Variants in SERGEF observed in about 807,000 individuals in gnomAD.
SERGEF encodes secretion regulating guanine nucleotide exchange factor.
A neutral mutation model predicts 50.0 loss-of-function variants in SERGEF; 51 were observed. The ratio of observed to expected loss-of-function variants is 1.02; its 90% CI spans 0.81 to 1.29. The LOEUF (loss-of-function observed/expected upper bound fraction) is 1.29, where lower values mean the gene tolerates loss of function less well. Among genes scored for constraint, SERGEF ranks in the 50% most tolerant of loss-of-function variants. The pLI, the probability that SERGEF is intolerant of heterozygous loss-of-function variation, is 0.00. For synonymous variants in SERGEF, 205 were observed against 212.4 expected, an observed-to-expected ratio of 0.97 and a Z score of 0.30; for missense variants, 521 against 557.0, an observed-to-expected ratio of 0.94 and a Z score of 0.65.
At chr11:17,876,100 C>A (rs1392219370) in intron 10 of SERGEF, among the ~76,000 whole-genome samples, 1 of 152,198 alleles carries the variant, frequency 6.6e-6, no homozygotes, top group Non-Finnish European at 1.5e-5. Context: ...CTGCACCCTG[C>A]AGGGCACCCA....
At chr11:17,792,423 TG>T (rs1565168398) in intron 10 of SERGEF, among the ~76,000 whole-genome samples, 2 of 152,056 alleles carry the variant, frequency 1.3e-5, no homozygotes, top group African/African-American at 4.8e-5. Flanking sequence ...TCAGCAGGGA[TG>T]GGGGTGGGAG....
intron 10 of SERGEF, among the ~76,000 whole-genome samples, chr11:17,835,911 C>T (rs186411399): frequency 6.6e-6 from 1 of 152,240 alleles, no homozygotes; most frequent in Admixed American, 6.5e-5. Context: ...TAAATGATAA[C>T]TGGGCTTGCT....
In SERGEF at chr11:17,819,061, CTTAT is replaced by C. The variant is rs543646520; in HGVS notation, c.1049-30652_1049-30649del. Among the ~76,000 whole-genome samples the C allele has an allele frequency of 2.0e-3, 301 of 152,358 alleles. 2 individuals carry two copies. The highest frequency in any genetic ancestry group is 6.9e-3 in the African/African-American group (285 of 41,590). ...TGTAATAACACTATTCACCCATAAT[CTTAT>C]TTGTCAGTTTATATCTCTATCTTCC... is the stretch of plus-strand genomic sequence containing the variant. On this transcript the variant is annotated intron_variant, in intron 10 of 10. Transcript: ENST00000265965.
At chr11:17,997,369 C>A (rs1590241874) in intron 5 of SERGEF, among the ~76,000 whole-genome samples, 1 of 152,106 alleles carries the variant, frequency 6.6e-6, no homozygotes, top group African/African-American at 2.4e-5. Flanking sequence ...TTTTTAAAAA[C>A]CAGAAAATAA....
At chr11:17,932,128 C>T (rs1247944039) in intron 9 of SERGEF, among the ~76,000 whole-genome samples, 2 of 152,068 alleles carry the variant, frequency 1.3e-5, no homozygotes, top group African/African-American at 4.8e-5. Context: ...ATGTAACAAA[C>T]CTGCACGTTG....
intron 1 of SERGEF, 160 bp downstream of exon 1, chr11:18,012,791 C>CAACAA: frequency 4.1e-6 from 6 of 1,453,560 alleles, no homozygotes; most frequent in African/African-American, 1.4e-5. Context: ...CCGCCCGCTC[C>CAACAA]TCCTCCGCTC....
chr11:18,012,819 CAGGAT>C, intron 1 of SERGEF, 127 bp downstream of exon 1: 1 of 1,514,060 alleles, frequency 6.6e-7, no homozygotes, highest in Non-Finnish European at 8.8e-7. Context: ...GCTCCCAGCC[CAGGAT>C]CCTTCAACCC....
At chr11:17,948,251 T>G (rs1294829787) in intron 9 of SERGEF, among the ~76,000 whole-genome samples, 1 of 152,212 alleles carries the variant, frequency 6.6e-6, no homozygotes, top group Non-Finnish European at 1.5e-5. Flanking sequence ...TGTTTATTGC[T>G]TCATAGTTGA....
intron 10 of SERGEF, among the ~76,000 whole-genome samples, chr11:17,841,036 T>C (rs1850492388): frequency 6.6e-6 from 1 of 152,234 alleles, no homozygotes. Context: ...AGACTGTTCC[T>C]GTTCCTTCTT....
chr11:17,953,132 G>C (rs1277414466), intron 9 of SERGEF, among the ~76,000 whole-genome samples: 3 of 134,028 alleles, frequency 2.2e-5, no homozygotes, highest in Non-Finnish European at 4.6e-5. Flanking sequence ...AGAAAGAAAG[G>C]GTCACCAAGA....
chr11:18,005,693 G>A (rs1459791919), intron 3 of SERGEF, among the ~76,000 whole-genome samples: 1 of 152,252 alleles, frequency 6.6e-6, no homozygotes, highest in East Asian at 1.9e-4. Flanking sequence ...GAACAGAGAG[G>A]TCAAAACTGC....
rs982695137 is a variant in SERGEF, at chr11:17,884,823, G to C, written c.1012-6579C>G. Among the ~76,000 whole-genome samples, 2 of 152,160 alleles carry C rather than the reference G, an allele frequency of 1.3e-5. No individual in the cohort carries two copies. The highest frequency in any genetic ancestry group is 3.8e-4 in the East Asian group (2 of 5,204). On this transcript the variant is annotated intron_variant, in intron 9 of 10. Coordinates refer to ENST00000265965, the MANE Select transcript of SERGEF (RefSeq NM_012139.4). The surrounding 1 kb of genome is among the most constrained non-coding windows in gnomAD (Gnocchi z 4.6). ...GTTCTGCTATCTTCCAGAGAAGTTG[G>C]GGTGAGAAGAAGAGAGCTAAAGTTT...
chr11:17,966,084 A>AGT (rs1223432288), intron 8 of SERGEF, among the ~76,000 whole-genome samples: 1 of 152,192 alleles, frequency 6.6e-6, no homozygotes, highest in African/African-American at 2.4e-5. Flanking sequence ...CACCTACCAA[A>AGT]GTGTTAGGGT....
intron 9 of SERGEF, among the ~76,000 whole-genome samples, chr11:17,896,553 GGGGAA>G (rs778806066): frequency 4.5e-4 from 49 of 108,346 alleles, no homozygotes; most frequent in South Asian, 6.7e-4. Context: ...GGGAAGGGAA[GGGGAA>G]GGGAAGGGAA....
chr11:17,997,953 G>A (rs1374817616), intron 5 of SERGEF, among the ~76,000 whole-genome samples: 1 of 152,120 alleles, frequency 6.6e-6, no homozygotes, highest in Non-Finnish European at 1.5e-5. Flanking sequence ...GAGATGGATG[G>A]TGGTGGTGAT....
At chr11:17,978,377 A>T (rs1396011318) in intron 8 of SERGEF, among the ~76,000 whole-genome samples, 1 of 152,160 alleles carries the variant, frequency 6.6e-6, no homozygotes, top group Non-Finnish European at 1.5e-5. Context: ...GGGGTATAGG[A>T]CTTAAGAGAT....
At chr11:17,983,359 C>G (rs1334239404) in intron 8 of SERGEF, among the ~76,000 whole-genome samples, 1 of 152,068 alleles carries the variant, frequency 6.6e-6, no homozygotes, top group African/African-American at 2.4e-5. Context: ...AACTTGTCAC[C>G]CATCCAGAGA....
chr11:17,846,611 A>G (rs534673238), intron 10 of SERGEF: 36 of 442,532 alleles, frequency 8.1e-5, no homozygotes, highest in African/African-American at 6.4e-4. Flanking sequence ...TGGTCTGGTC[A>G]TCCGATCATC....
intron 9 of SERGEF, among the ~76,000 whole-genome samples, chr11:17,959,089 G>A (rs868645624): frequency 6.6e-6 from 1 of 152,052 alleles, no homozygotes; most frequent in African/African-American, 2.4e-5. Flanking sequence ...GGCTGGTCTC[G>A]AACTCCTGAC....
Sources: allele counts gnomAD v4.1 joint callset (sites outside exome capture counted in the v4.1 genomes callset), GRCh38; gene constraint gnomAD v4.1.1; non-coding constraint Gnocchi (gnomAD v3.1); transcripts MANE v1.5; gene names NCBI Gene and HGNC (gene_info 2026-07-23, HGNC 2026-07-21).